WWC1: variants seen among roughly 807,000 people sequenced by gnomAD.
WWC1 encodes the protein WW and C2 domain containing 1, also known as protein KIBRA.
Under a neutral mutation model 138.4 loss-of-function variants are expected in WWC1, and 55 were observed. The observed-to-expected ratio is 0.40, with a 90% confidence interval of 0.32 to 0.50. The LOEUF is 0.50. Among genes scored for constraint, WWC1 ranks in the 20% least tolerant of loss-of-function variants. The probability of loss-of-function intolerance (pLI) is 0.72; values close to 1 mark genes in which losing one functional copy is unlikely to be tolerated. For synonymous variants in WWC1, 524 were observed against 564.9 expected (o/e 0.93, Z 1.03); for missense variants, 1,226 against 1,420.4 (o/e 0.86, Z 2.20).
chr5:168,301,812 C>A (rs1770112006), intron 1 of WWC1, among the ~76,000 whole-genome samples: 1 of 152,144 alleles, frequency 6.6e-6, no homozygotes. Context: ...GTTAGGCCAA[C>A]CTACCCTCCT....
intron 19 of WWC1, among the ~76,000 whole-genome samples, chr5:168,459,577 G>A (rs145660842): frequency 7.2e-4 from 109 of 152,306 alleles, no homozygotes; most frequent in African/African-American, 2.4e-3. Flanking sequence ...CACCTGGCAC[G>A]TAGCAGGTGC....
At chr5:168,354,213 G>C (rs1775221258) in intron 1 of WWC1, among the ~76,000 whole-genome samples, 1 of 152,062 alleles carries the variant, frequency 6.6e-6, no homozygotes, top group Non-Finnish European at 1.5e-5. Flanking sequence ...ACCACTCCCA[G>C]CTGTTTTTTG....
chr5:168,316,073 C>G (rs752069622), intron 1 of WWC1, among the ~76,000 whole-genome samples: 1 of 152,212 alleles, frequency 6.6e-6, no homozygotes, highest in African/African-American at 2.4e-5. Context: ...CCCCTCTTTT[C>G]AGGCAGGAGA....
chr5:168,372,929 C>T (rs991934194), intron 2 of WWC1, among the ~76,000 whole-genome samples: 1 of 152,198 alleles, frequency 6.6e-6, no homozygotes, highest in Non-Finnish European at 1.5e-5. Flanking sequence ...AAAGGGCATA[C>T]GTGCATGAAT....
At chr5:168,364,485 T>C (rs533790036) in intron 1 of WWC1, among the ~76,000 whole-genome samples, 230 of 152,258 alleles carry the variant, frequency 1.5e-3, no homozygotes, top group African/African-American at 5.0e-3. Flanking sequence ...TCCCATGGAA[T>C]GTTGTGGGGA....
intron 1 of WWC1, among the ~76,000 whole-genome samples, chr5:168,371,031 C>T (rs1489248235): frequency 6.6e-6 from 1 of 152,174 alleles, no homozygotes; most frequent in Non-Finnish European, 1.5e-5. Flanking sequence ...TGGCTGAGTG[C>T]GTTGCAGGTG....
At chr5:168,329,375 A>G (rs574416948) in intron 1 of WWC1, among the ~76,000 whole-genome samples, 2 of 152,318 alleles carry the variant, frequency 1.3e-5, no homozygotes, top group Admixed American at 6.5e-5. Flanking sequence ...TATTTTATAT[A>G]TTTAAAAGGG....
Position 168,418,378 on chromosome 5 carries a change from C to T in WWC1, c.1185-3630C>T, listed in dbSNP as rs553502668. Among the ~76,000 whole-genome samples, 14 of 152,326 alleles carry T rather than the reference C, an allele frequency of 9.2e-5. No individual in the cohort carries two copies. The East Asian group carries it at 2.1e-3, about 23-fold the overall frequency. ...GGCCCACCCCAGGGACCGATTCTTC[C>T]GGCCTGAGATGCAGCCCAGGTTCTT... On this transcript the variant is annotated intron_variant, in intron 9 of 22. Coordinates refer to ENST00000265293, the MANE Select transcript of WWC1 (RefSeq NM_015238.3).
intron 3 of WWC1, among the ~76,000 whole-genome samples, chr5:168,391,222 T>A (rs1484180760): frequency 1.3e-5 from 2 of 152,086 alleles, no homozygotes; most frequent in African/African-American, 4.8e-5. Context: ...AATAAATCAG[T>A]GAGGGCTTTC....
Position 168,292,832 on chromosome 5 carries a change from C to T in WWC1, c.119+561C>T, listed in dbSNP as rs1006953775. On this transcript the variant is annotated intron_variant, in intron 1 of 22. Transcript: ENST00000265293. The surrounding 1 kb of genome is among the most constrained non-coding windows in gnomAD (Gnocchi z 4.4). Reference sequence around the variant, plus strand: ...GCCTTGGAAGCTGCTGAGAACAGCACAGGGGCAGCCAGGGGGCCCTGGAAC... The same window carrying T: ...GCCTTGGAAGCTGCTGAGAACAGCATAGGGGCAGCCAGGGGGCCCTGGAAC... 6.6e-6 allele frequency among the ~76,000 whole-genome samples: 1 copy of T among 152,022 alleles called. No individual in the cohort carries two copies. The highest frequency in any genetic ancestry group is 1.5e-5 in the Non-Finnish European group (1 of 68,006).
At chr5:168,398,776 T>C (rs1419243582) in intron 4 of WWC1, among the ~76,000 whole-genome samples, 7 of 152,154 alleles carry the variant, frequency 4.6e-5, no homozygotes, top group Non-Finnish European at 8.8e-5. Flanking sequence ...GTGGTGACTG[T>C]GTAACCAGGA....
chr5:168,340,045 C>CTTTG (rs1773915420), intron 1 of WWC1, among the ~76,000 whole-genome samples: 34 of 132,702 alleles, frequency 2.6e-4, no homozygotes, highest in Admixed American at 2.3e-3. Flanking sequence ...CCTTTCTTTT[C>CTTTG]TTTCTTTCTT....
At chr5:168,371,359 G>C (rs1244649181) in intron 1 of WWC1, 65 bp from the exon 2 acceptor site, 2 of 1,213,988 alleles carry the variant, frequency 1.6e-6, no homozygotes, top group Non-Finnish European at 2.4e-6. Context: ...GCACAGGGAA[G>C]CAGCAGGTTG....
intron 16 of WWC1, among the ~76,000 whole-genome samples, chr5:168,442,086 G>A (rs561791232): frequency 4.0e-4 from 61 of 152,308 alleles, no homozygotes; most frequent in African/African-American, 1.3e-3. Flanking sequence ...CTTGGCTAAC[G>A]AAAACCTTAA....
chr5:168,401,700 T>G (rs1257767539), intron 5 of WWC1, among the ~76,000 whole-genome samples: 1 of 152,248 alleles, frequency 6.6e-6, no homozygotes, highest in Non-Finnish European at 1.5e-5. Flanking sequence ...GCTTTCTGTA[T>G]GTTTACATCT....
At chr5:168,336,571 CA>C (rs57339649) in intron 1 of WWC1, among the ~76,000 whole-genome samples, 11,790 of 57,636 alleles carry the variant, frequency 0.2, 723 homozygotes, top group African/African-American at 0.36. Flanking sequence ...GACTCTGTCT[CA>C]AAAAAAAAAA....
chr5:168,336,433 A>G (rs986373434), intron 1 of WWC1, among the ~76,000 whole-genome samples: 1 of 152,034 alleles, frequency 6.6e-6, no homozygotes, highest in Non-Finnish European at 1.5e-5. Context: ...TTAGCTGGGC[A>G]TGGTGGCAGG....
intron 1 of WWC1, among the ~76,000 whole-genome samples, chr5:168,333,199 T>G (rs1486825545): frequency 6.6e-6 from 1 of 151,598 alleles, no homozygotes; most frequent in Non-Finnish European, 1.5e-5. Context: ...CTCACAGGGG[T>G]TTCAAAGAAA....
At chr5:168,305,071 C>T (rs903399867) in intron 1 of WWC1, among the ~76,000 whole-genome samples, 4 of 151,996 alleles carry the variant, frequency 2.6e-5, no homozygotes, top group Non-Finnish European at 4.4e-5. Context: ...GTGATCCACC[C>T]GCCTCAGCCT....
Sources: gnomAD v4.1 joint callset for allele counts (sites outside exome capture counted in the v4.1 genomes callset) on GRCh38, gnomAD v4.1.1 for gene constraint, Gnocchi (gnomAD v3.1) non-coding constraint, MANE v1.5 for transcripts, NCBI Gene and HGNC (gene_info 2026-07-23, HGNC 2026-07-21) for gene names.